Variants in TEX9 observed in about 807,000 individuals in gnomAD.
TEX9 encodes testis expressed 9.
Under a neutral mutation model 59.6 loss-of-function variants are expected in TEX9, and 74 were observed. The ratio of observed to expected loss-of-function variants is 1.24; its 90% CI spans 1.03 to 1.51. The LOEUF is 1.51. Among genes scored for constraint, TEX9 ranks in the 40% most tolerant of loss-of-function variants. The pLI is 0.00. For synonymous variants in TEX9, 186 were observed against 152.2 expected (o/e 1.22, Z -1.64); for missense variants, 522 against 447.8 (o/e 1.17, Z -1.49).
chr15:56,339,383 CAAAAAAAA>C lies in TEX9; in HGVS notation c.-106-34034_-106-34027del, dbSNP rs71456382. Among the ~76,000 whole-genome samples the C allele has an allele frequency of 4.2e-3, 129 of 30,768 alleles. 1 individual carries two copies. The highest frequency in any genetic ancestry group is 0.014 in the African/African-American group (116 of 8,326). 20.2% of individuals were successfully genotyped at this position (30,768 alleles called of 152,430 possible). A position where few individuals can be genotyped will look rare whatever the true frequency, so the allele number is the denominator to read the frequency against. On this transcript the variant is annotated intron_variant, in intron 1 of 5. Transcript: ENST00000560827. ...GGGTGTCAGAGCAAGACTCCTTCTCCAAAAAAAAAAAAAAAAAAAAAAAAAAAAAAACA... is the reference window on the plus strand; with the variant it reads ...GGGTGTCAGAGCAAGACTCCTTCTCCAAAAAAAAAAAAAAAAAAAAAAACA...
At chr15:56,275,604 G>A (rs2044648707) in intron 1 of TEX9, among the ~76,000 whole-genome samples, 1 of 152,102 alleles carries the variant, frequency 6.6e-6, no homozygotes, top group African/African-American at 2.4e-5. Flanking sequence ...TCCTGGTTCT[G>A]CCTAGGTGAG....
chr15:56,419,167 G>A (rs1458785547), intron 10 of TEX9, among the ~76,000 whole-genome samples: 2 of 151,340 alleles, frequency 1.3e-5, no homozygotes, highest in South Asian at 2.1e-4. Context: ...TGTTATAAAT[G>A]TTCTTTAAAT....
chr15:56,261,296 AATTAATTTTTGATTTTTTTT>A (rs1487468454), intron 1 of TEX9, among the ~76,000 whole-genome samples: 3 of 152,076 alleles, frequency 2.0e-5, no homozygotes, highest in Non-Finnish European at 4.4e-5. Flanking sequence ...GTAACTTAGA[AATTAATTTTTGATTTTTTTT>A]CTTTTCTGAT....
intron 10 of TEX9, among the ~76,000 whole-genome samples, chr15:56,426,014 T>A (rs544096355): frequency 4.6e-5 from 7 of 152,280 alleles, no homozygotes; most frequent in East Asian, 1.9e-4. Flanking sequence ...TCTCACTACT[T>A]CTTCTCAGAG....
chr15:56,246,179 C>T (rs1003100327), intron 1 of TEX9, among the ~76,000 whole-genome samples: 1 of 152,210 alleles, frequency 6.6e-6, no homozygotes, highest in African/African-American at 2.4e-5. Context: ...CCAGGTCACC[C>T]CAGCAGCCAC....
At chr15:56,354,796 G>A (rs1219287919) in intron 1 of TEX9, among the ~76,000 whole-genome samples, 2 of 152,114 alleles carry the variant, frequency 1.3e-5, no homozygotes, top group African/African-American at 2.4e-5. Flanking sequence ...GAAAATAGTG[G>A]TGCACTTTTA....
the TEX9 span, among the ~76,000 whole-genome samples, chr15:56,457,548 C>T: frequency 1.3e-5 from 2 of 152,082 alleles, no homozygotes; most frequent in Admixed American, 6.6e-5. Flanking sequence ...TGCAGCTGAG[C>T]GCTGTGGCTT....
At chr15:56,333,326 T>C (rs144828703) in intron 1 of TEX9, among the ~76,000 whole-genome samples, 1 of 152,150 alleles carries the variant, frequency 6.6e-6, no homozygotes, top group African/African-American at 2.4e-5. Context: ...CATGACTAAG[T>C]AGGATTTATC....
At chr15:56,455,577 A>G in the TEX9 span, among the ~76,000 whole-genome samples, 1 of 152,218 alleles carries the variant, frequency 6.6e-6, no homozygotes, top group African/African-American at 2.4e-5. Flanking sequence ...ATATTCAATT[A>G]CATAAGTATA....
At chr15:56,354,995 C>T (rs982864952) in intron 1 of TEX9, among the ~76,000 whole-genome samples, 1 of 152,034 alleles carries the variant, frequency 6.6e-6, no homozygotes, top group Non-Finnish European at 1.5e-5. Flanking sequence ...TAAAATTTAC[C>T]TATTTTAAGT....
intron 1 of TEX9, among the ~76,000 whole-genome samples, chr15:56,273,815 C>T (rs1380025372): frequency 6.6e-6 from 1 of 152,194 alleles, no homozygotes; most frequent in African/African-American, 2.4e-5. Flanking sequence ...ATATTTGTTG[C>T]TCTATATGTA....
At chr15:56,399,947 A>G (rs2048686828) in intron 9 of TEX9, among the ~76,000 whole-genome samples, 1 of 152,112 alleles carries the variant, frequency 6.6e-6, no homozygotes, top group Non-Finnish European at 1.5e-5. Context: ...CAACATCAAC[A>G]GAAAGGACAT....
intron 1 of TEX9, among the ~76,000 whole-genome samples, chr15:56,310,292 TGTG>T: frequency 6.6e-6 from 1 of 152,076 alleles, no homozygotes; most frequent in East Asian, 1.9e-4. Flanking sequence ...ATTAGCCAGG[TGTG>T]GTGGTGCATG....
chr15:56,450,684 G>T (rs2050941533), downstream of TEX9, among the ~76,000 whole-genome samples: 1 of 151,804 alleles, frequency 6.6e-6, no homozygotes, highest in Non-Finnish European at 1.5e-5. Flanking sequence ...TCAACATTTT[G>T]GTTATTGGAA....
exon 9 of TEX9, chr15:56,394,667 G>A: frequency 6.3e-7 from 1 of 1,585,792 alleles, no homozygotes; most frequent in Non-Finnish European, 8.6e-7. Context: ...ATAGGAGGAT[G>A]AAATTCAGAA....
At chr15:56,414,669 T>C (rs1176234963) in intron 10 of TEX9, among the ~76,000 whole-genome samples, 1 of 151,902 alleles carries the variant, frequency 6.6e-6, no homozygotes, top group African/African-American at 2.4e-5. Context: ...TGATTCCATG[T>C]CCTTGCTATT....
intron 3 of TEX9, among the ~76,000 whole-genome samples, chr15:56,378,031 G>A (rs1334573578): frequency 2.0e-5 from 3 of 152,126 alleles, no homozygotes; most frequent in African/African-American, 7.2e-5. Flanking sequence ...TGATTGATTT[G>A]TGTATGTTGA....
intron 1 of TEX9, among the ~76,000 whole-genome samples, chr15:56,342,444 A>G (rs956571764): frequency 1.3e-5 from 2 of 152,148 alleles, no homozygotes; most frequent in African/African-American, 4.8e-5. Flanking sequence ...CGCTTGCAAC[A>G]AGAAACTTCT....
chr15:56,352,250 G>T (rs79913090), intron 1 of TEX9, among the ~76,000 whole-genome samples: 1 of 150,080 alleles, frequency 6.7e-6, no homozygotes, highest in Non-Finnish European at 1.5e-5. Flanking sequence ...GTTAATTGCC[G>T]TCTTCTTTTT....
Sources: allele counts gnomAD v4.1 joint callset (sites outside exome capture counted in the v4.1 genomes callset), GRCh38; gene constraint gnomAD v4.1.1; transcripts MANE v1.5; gene names NCBI Gene and HGNC (gene_info 2026-07-23, HGNC 2026-07-21).